Variants in KIRREL3 observed in about 807,000 individuals in gnomAD.
The protein encoded by KIRREL3 is kin of IRRE-like protein 3.
Under a neutral mutation model 89.7 loss-of-function variants are expected in KIRREL3, and 36 were observed. The ratio of observed to expected loss-of-function variants is 0.40; its 90% CI spans 0.31 to 0.53. The LOEUF (loss-of-function observed/expected upper bound fraction) is 0.53. Ranked by LOEUF, KIRREL3 falls within the 20% of genes least tolerant of loss-of-function variation. KIRREL3 has a pLI of 0.49. For synonymous variants in KIRREL3, 445 were observed against 441.4 expected (o/e 1.01, Z -0.10); for missense variants, 864 against 1,056.6 (o/e 0.82, Z 2.53).
At chr11:126,577,096 T>A (rs1482094575) in intron 1 of KIRREL3, among the ~76,000 whole-genome samples, 1 of 152,178 alleles carries the variant, frequency 6.6e-6, no homozygotes, top group Non-Finnish European at 1.5e-5. Context: ...AGAAATAGAA[T>A]GTCACAGAGC....
rs1048953655 is a variant in KIRREL3, at chr11:126,954,488, C to T, written c.55+45967G>A. On this transcript the variant is annotated intron_variant, in intron 1 of 16. Transcript: ENST00000525144. This position sits in a 1 kb window ranked among gnomAD's most constrained non-coding sequence, Gnocchi z 4.1. ...TTAATTATGCCCTGCCTTTCTTGTT[C>T]CTCCTGTCTATCTCCCTCCTCCCCA... 6.6e-6 allele frequency among the ~76,000 whole-genome samples: 1 copy of T among 152,080 alleles called. No homozygotes were observed. Among genetic ancestry groups the T allele is most frequent in the Non-Finnish European group, 1.5e-5 (1 of 68,042 alleles).
rs1030194633 is a variant in KIRREL3 at position 126,981,262 on chromosome 11, C to T, written c.55+19193G>A. ...TGCAAGCTATTCTATTTTATTTGTT[C>T]TTAGTGTTCAGCCTGGGACCTAGGC... is the stretch of plus-strand genomic sequence containing the variant. On this transcript the variant is annotated intron_variant, in intron 1 of 16. Coordinates refer to ENST00000525144, the MANE Select transcript of KIRREL3 (RefSeq NM_032531.4). This position sits in a 1 kb window ranked among gnomAD's most constrained non-coding sequence, Gnocchi z 4.2. 6.6e-6 allele frequency among the ~76,000 whole-genome samples: 1 copy of T among 152,150 alleles called. No individual in the cohort carries two copies. Among genetic ancestry groups the T allele is most frequent in the African/African-American group, 2.4e-5 (1 of 41,428 alleles).
At chr11:126,625,122 C>A (rs891266191) in intron 1 of KIRREL3, among the ~76,000 whole-genome samples, 2 of 152,180 alleles carry the variant, frequency 1.3e-5, no homozygotes, top group African/African-American at 2.4e-5. Context: ...ACTATCTAAT[C>A]TTAACAGCGT....
At position 126,908,350 on chromosome 11, in the gene KIRREL3, C is replaced by A. The variant is rs1946670271; in HGVS notation, c.55+92105G>T. Reference sequence around the variant, plus strand: ...GATCTTTATGATCATTTCGTCCAACCAAAGCAAGGACTCCGAAGCAGGACT... The same window carrying A: ...GATCTTTATGATCATTTCGTCCAACAAAAGCAAGGACTCCGAAGCAGGACT... On this transcript the variant is annotated intron_variant, in intron 1 of 16. Coordinates refer to ENST00000525144, the MANE Select transcript of KIRREL3 (RefSeq NM_032531.4). The surrounding 1 kb of genome is among the most constrained non-coding windows in gnomAD (Gnocchi z 4.2). Among the ~76,000 whole-genome samples, 1 of 152,114 alleles carries A rather than the reference C, an allele frequency of 6.6e-6. No homozygotes were observed. The highest frequency in any genetic ancestry group is 2.1e-4 in the South Asian group (1 of 4,818).
In KIRREL3 at chr11:126,909,880, T is replaced by G. The variant is rs1449575335; in HGVS notation, c.55+90575A>C. ...ATGGTCTGTGATATGGATATGATAT[T>G]TTTTTATTGCAATAATAAGTTTCTC... On this transcript the variant is annotated intron_variant, in intron 1 of 16. Transcript: ENST00000525144. This position sits in a 1 kb window ranked among gnomAD's most constrained non-coding sequence, Gnocchi z 4.5. Among the ~76,000 whole-genome samples, 1 of 152,146 alleles carries G rather than the reference T, an allele frequency of 6.6e-6. No individual in the cohort carries two copies. Among genetic ancestry groups the G allele is most frequent in the African/African-American group, 2.4e-5 (1 of 41,434 alleles).
rs1258380821 is a variant in KIRREL3, at chr11:126,476,613, G to A, written c.434-3147C>T. On this transcript the variant is annotated intron_variant, in intron 4 of 16. Transcript: ENST00000525144. The surrounding 1 kb of genome is among the most constrained non-coding windows in gnomAD (Gnocchi z 6.4). ...ATCATGCTGGGTATTCATGTAGCCA[G>A]GCATTATTGATTGGTCTTCGCTTCA... Among the ~76,000 whole-genome samples the A allele has an allele frequency of 6.8e-6, 1 of 147,000 alleles. No individual in the cohort carries two copies.
chr11:126,935,883 T>G (rs1948164282), intron 1 of KIRREL3: 1 of 152,080 alleles, frequency 6.6e-6, no homozygotes, highest in African/African-American at 2.4e-5. Flanking sequence ...AAACTTCGGG[T>G]GGTAATGATG....
chr11:126,514,490 G>A (rs1958338320), intron 4 of KIRREL3, among the ~76,000 whole-genome samples: 1 of 152,204 alleles, frequency 6.6e-6, no homozygotes, highest in Admixed American at 6.5e-5. Flanking sequence ...CCGGGATGCA[G>A]GGGTTGCTTG....
chr11:126,744,026 G>A lies in KIRREL3; in HGVS notation c.56-181114C>T, dbSNP rs1315849751. ...GAGGTGACATTAGATTTGGGCCTTA[G>A]CAATGGGCAGAATTTTGATAAGCAG... is the stretch of plus-strand genomic sequence containing the variant. On this transcript the variant is annotated intron_variant, in intron 1 of 16. Transcript: ENST00000525144. This position sits in a 1 kb window ranked among gnomAD's most constrained non-coding sequence, Gnocchi z 4.7. 6.6e-6 allele frequency among the ~76,000 whole-genome samples: 1 copy of A among 152,172 alleles called. No homozygotes were observed. Among genetic ancestry groups the A allele is most frequent in the African/African-American group, 2.4e-5 (1 of 41,444 alleles).
rs1948611752 is a variant in KIRREL3, at chr11:126,946,027, T to G, written c.55+54428A>C. Among the ~76,000 whole-genome samples, 1 of 152,158 alleles carries G rather than the reference T, an allele frequency of 6.6e-6. No individual in the cohort carries two copies. The highest frequency in any genetic ancestry group is 6.5e-5 in the Admixed American group (1 of 15,280). On this transcript the variant is annotated intron_variant, in intron 1 of 16. Coordinates refer to ENST00000525144, the MANE Select transcript of KIRREL3 (RefSeq NM_032531.4). This position sits in a 1 kb window ranked among gnomAD's most constrained non-coding sequence, Gnocchi z 4.1. Reference sequence around the variant, plus strand: ...GTCCTGTGGTGACTGCTGCTCCATCTGAGCCCCTTAAAATCTCAGAGACTG... The same window carrying G: ...GTCCTGTGGTGACTGCTGCTCCATCGGAGCCCCTTAAAATCTCAGAGACTG...
chr11:126,603,832 G>A (rs1942768245), intron 1 of KIRREL3, among the ~76,000 whole-genome samples: 1 of 152,214 alleles, frequency 6.6e-6, no homozygotes, highest in Non-Finnish European at 1.5e-5. Flanking sequence ...AAGCCAGGGA[G>A]TGGAGAGAGA....
intron 5 of KIRREL3, 136 bp downstream of exon 5, chr11:126,473,173 T>A: frequency 1.3e-4 from 12 of 94,292 alleles, no homozygotes; most frequent in East Asian, 2.6e-4. Context: ...CCTAGTCCCC[T>A]CCTAATCCAG....
At chr11:126,464,713 G>T (rs1487196809) in intron 5 of KIRREL3, among the ~76,000 whole-genome samples, 1 of 152,216 alleles carries the variant, frequency 6.6e-6, no homozygotes, top group Non-Finnish European at 1.5e-5. Flanking sequence ...GCCAGGAGCT[G>T]CCAGGAGCTG....
intron 1 of KIRREL3, among the ~76,000 whole-genome samples, chr11:126,850,064 C>T (rs537193072): frequency 1.3e-5 from 2 of 152,326 alleles, no homozygotes; most frequent in African/African-American, 4.8e-5. Context: ...ATCAACAGTA[C>T]ATCTTTCTTT....
At position 126,768,926 on chromosome 11, in the gene KIRREL3, G is replaced by A. The variant is rs1949933103; in HGVS notation, c.56-206014C>T. Among the ~76,000 whole-genome samples the A allele has an allele frequency of 6.6e-6, 1 of 152,228 alleles. No homozygotes were observed. The highest frequency in any genetic ancestry group is 1.5e-5 in the Non-Finnish European group (1 of 68,040). ...CATGCGTGGGAGCCGGTGAAGTGTT[G>A]TAAGCAGAGAAGTAACATGATCTGC... On this transcript the variant is annotated intron_variant, in intron 1 of 16. Transcript: ENST00000525144. The surrounding 1 kb of genome is among the most constrained non-coding windows in gnomAD (Gnocchi z 4.5).
rs2134352998 is a variant in KIRREL3 at position 126,496,833 on chromosome 11, A to C, written c.434-23367T>G. ...CTGAGACATAGGTCACAAATCTAGG[A>C]GACTTCTCTCTGGGGCCTCTGGAAG... On this transcript the variant is annotated intron_variant, in intron 4 of 16. Transcript: ENST00000525144. This position sits in a 1 kb window ranked among gnomAD's most constrained non-coding sequence, Gnocchi z 4.9. Among the ~76,000 whole-genome samples, 1 of 152,238 alleles carries C rather than the reference A, an allele frequency of 6.6e-6. No homozygotes were observed. Among genetic ancestry groups the C allele is most frequent in the African/African-American group, 2.4e-5 (1 of 41,518 alleles).
At chr11:126,451,176 T>C (rs1436621097) in intron 7 of KIRREL3, among the ~76,000 whole-genome samples, 1 of 149,574 alleles carries the variant, frequency 6.7e-6, no homozygotes, top group African/African-American at 2.5e-5. Flanking sequence ...AATGTGTACA[T>C]GTGTGAATGT....
chr11:126,687,336 C>T lies in KIRREL3; in HGVS notation c.56-124424G>A, dbSNP rs1233820011. ...ATTAGCACAGAGAGGGAAAAATCAACGCATACCTCCCAACATAACATCCCC... is the reference window on the plus strand; with the variant it reads ...ATTAGCACAGAGAGGGAAAAATCAATGCATACCTCCCAACATAACATCCCC... On this transcript the variant is annotated intron_variant, in intron 1 of 16. Coordinates refer to ENST00000525144, the MANE Select transcript of KIRREL3 (RefSeq NM_032531.4). The surrounding 1 kb of genome is among the most constrained non-coding windows in gnomAD (Gnocchi z 4.6). Among the ~76,000 whole-genome samples, 5 of 152,136 alleles carry T rather than the reference C, an allele frequency of 3.3e-5. 1 individual carries two copies. The highest frequency in any genetic ancestry group is 4.8e-5 in the African/African-American group (2 of 41,426).
At chr11:126,716,924 G>A (rs61897883) in intron 1 of KIRREL3, among the ~76,000 whole-genome samples, 69,066 of 151,746 alleles carry the variant, frequency 0.46, 16,934 homozygotes, top group East Asian at 0.79. Flanking sequence ...CTGGGAAGGC[G>A]GGAATGAGCC....
Sources: allele counts gnomAD v4.1 joint callset (sites outside exome capture counted in the v4.1 genomes callset), GRCh38; gene constraint gnomAD v4.1.1; non-coding constraint Gnocchi (gnomAD v3.1); transcripts MANE v1.5; gene names NCBI Gene and HGNC (gene_info 2026-07-23, HGNC 2026-07-21).